Variants in VPS53 observed in about 807,000 individuals in gnomAD.
The protein encoded by VPS53 is VPS53 subunit of GARP complex, also known as vacuolar protein sorting-associated protein 53 homolog.
Under a neutral mutation model 107.0 loss-of-function variants are expected in VPS53, and 70 were observed. That is an observed-to-expected ratio of 0.65 (90% CI 0.54 to 0.80). VPS53 has a LOEUF of 0.80. Ranked by LOEUF, VPS53 falls within the 30% of genes least tolerant of loss-of-function variation. The pLI is 0.00. For synonymous variants in VPS53, 409 were observed against 393.3 expected (o/e 1.04, Z -0.47); for missense variants, 917 against 1,049.4 (o/e 0.87, Z 1.74).
rs749110675 is a variant in VPS53 at position 710,551 on chromosome 17, G to C, written c.150C>G (p.Thr50=). Residue 50 remains threonine (T), a synonymous_variant, in exon 2 of 22, where the codon ACC becomes ACG. Transcript: ENST00000437048. ...ADFNAVEYIN[T]LFPTEQSLAN... is the part of the protein sequence containing the mutation. ...TACTTACTTGCTCGGTTGGGAACAGGGTATTGATATACTCAACAGCATTGA... is the reference window on the plus strand; with the variant it reads ...TACTTACTTGCTCGGTTGGGAACAGCGTATTGATATACTCAACAGCATTGA... 1.1e-5 allele frequency: 18 copies of C among 1,613,654 alleles called. No individual in the cohort carries two copies. In the Admixed American group the frequency reaches 1.7e-4, roughly 15 times the overall value.
At chr17:673,061 G>A (rs187187188) in intron 4 of VPS53, among the ~76,000 whole-genome samples, 2,375 of 149,706 alleles carry the variant, frequency 0.016, 25 homozygotes, top group Middle Eastern at 0.031. Flanking sequence ...GCAGTGAGCC[G>A]AGATTGTGCC....
rs1555575961 is a variant in VPS53 at position 662,877 on chromosome 17, G to GGAAGGAAC, written c.286-983_286-982insGTTCCTTC. On this transcript the variant is annotated intron_variant, in intron 4 of 21. Transcript: ENST00000437048. ...AGGAAGGAAGGAAGGAAGGAACGAA[G>GGAAGGAAC]GAAGGAAGGAAGGAAGGCAGGCAGG... 1.8e-3 allele frequency among the ~76,000 whole-genome samples: 254 copies of GGAAGGAAC among 141,220 alleles called. 2 individuals carry two copies. Among genetic ancestry groups the GGAAGGAAC allele is most frequent in the East Asian group, 4.8e-3 (23 of 4,770 alleles). 92.6% of individuals were successfully genotyped at this position (141,220 alleles called of 152,430 possible).
chr17:551,752 A>C, intron 17 of VPS53, 120 bp downstream of exon 17: 1 of 843,804 alleles, frequency 1.2e-6, no homozygotes, highest in Non-Finnish European at 1.7e-6. Context: ...GGGCCTCTCC[A>C]TTCTCCTCAG....
intron 1 of VPS53, among the ~76,000 whole-genome samples, chr17:713,201 CAA>C (rs531213540): frequency 2.8e-5 from 4 of 143,856 alleles, no homozygotes; most frequent in Non-Finnish European, 6.1e-5. Flanking sequence ...GACCCTATCT[CAA>C]AAAAAAAAAG....
At chr17:689,213 TAA>T (rs773517365) in intron 4 of VPS53, among the ~76,000 whole-genome samples, 2 of 152,192 alleles carry the variant, frequency 1.3e-5, no homozygotes, top group Non-Finnish European at 2.9e-5. Flanking sequence ...GATAAGAATA[TAA>T]AGTCTCCTTC....
At chr17:559,118 A>G (rs936389724) in intron 15 of VPS53, among the ~76,000 whole-genome samples, 9 of 152,198 alleles carry the variant, frequency 5.9e-5, no homozygotes, top group African/African-American at 2.2e-4. Flanking sequence ...TATCATTATA[A>G]TGACAGGAGA....
intron 18 of VPS53, among the ~76,000 whole-genome samples, chr17:535,425 T>G (rs1167121426): frequency 1.5e-5 from 2 of 135,762 alleles, no homozygotes; most frequent in Non-Finnish European, 3.4e-5. Context: ...CTCCTTCGCT[T>G]TAATGTAAGC....
intron 12 of VPS53, among the ~76,000 whole-genome samples, chr17:598,762 C>G (rs1316230362): frequency 7.9e-6 from 1 of 126,714 alleles, no homozygotes; most frequent in Non-Finnish European, 1.7e-5. Context: ...CCCCTCCGCC[C>G]GGCAGCCGCC....
chr17:532,755 C>A, intron 19 of VPS53, 87 bp downstream of exon 19: 1 of 1,554,486 alleles, frequency 6.4e-7, no homozygotes. Context: ...AATTTTATTC[C>A]TGCCAAGTAG....
Position 532,905 on chromosome 17 carries a change from G to A in VPS53, c.2022C>T (p.Phe674=), listed in dbSNP as rs141888919. 129 of 1,613,764 alleles carry A rather than the reference G, an allele frequency of 8.0e-5. No individual in the cohort carries two copies. Among genetic ancestry groups the A allele is most frequent in the Non-Finnish European group, 9.5e-5 (112 of 1,179,838 alleles). ...AGAGGTGGGTGATGAATTTGGGAAT[G>A]AAGGAGCTGTGGATAAAAAAGAAGT... The part of the protein sequence containing the change: ...TQFCVKFANS[F]IPKFITHLFK... Residue 674 remains phenylalanine, a synonymous_variant, in exon 19 of 22, where the codon TTC becomes TTT. Coordinates refer to ENST00000437048, the MANE Select transcript of VPS53 (RefSeq NM_001128159.3).
At chr17:648,451 T>C (rs375579372) in intron 7 of VPS53, among the ~76,000 whole-genome samples, 2 of 152,284 alleles carry the variant, frequency 1.3e-5, no homozygotes, top group South Asian at 4.1e-4. Context: ...CTTGGGAGGC[T>C]GAGGCAGGAG....
At chr17:529,422 AC>A (rs56091983) in intron 19 of VPS53, among the ~76,000 whole-genome samples, 1 of 148,114 alleles carries the variant, frequency 6.8e-6, no homozygotes, top group African/African-American at 2.6e-5. Context: ...ACACACACAC[AC>A]CCCTGCTGGG....
chr17:699,559 T>G (rs1376634518), intron 2 of VPS53, among the ~76,000 whole-genome samples, 179 bp from the exon 3 acceptor site: 1 of 151,578 alleles, frequency 6.6e-6, no homozygotes, highest in Non-Finnish European at 1.5e-5. Flanking sequence ...CAGCCACATC[T>G]AGCCCAGCCC....
rs542269735 is a variant in VPS53 at position 656,413 on chromosome 17, T to G, written c.373-460A>C. ...GCCTGAGCTTCCAGCAAAGAAGACT[T>G]TCAAATCTCAAGAAGATTGAAATAT... On this transcript the variant is annotated intron_variant, in intron 5 of 21. Transcript: ENST00000437048. Among the ~76,000 whole-genome samples the G allele has an allele frequency of 2.1e-4, 32 of 152,292 alleles. No individual in the cohort carries two copies. In the South Asian group the frequency reaches 3.1e-3, roughly 15 times the overall value.
At chr17:678,860 C>T (rs929759202) in intron 4 of VPS53, among the ~76,000 whole-genome samples, 31 of 152,034 alleles carry the variant, frequency 2.0e-4, no homozygotes, top group African/African-American at 7.0e-4. Flanking sequence ...AGGATGGTCT[C>T]GATCTCCTGA....
intron 14 of VPS53, among the ~76,000 whole-genome samples, chr17:561,523 A>G (rs1460080246): frequency 6.6e-6 from 1 of 152,258 alleles, no homozygotes; most frequent in Non-Finnish European, 1.5e-5. Flanking sequence ...TGACACAAAC[A>G]AACAAAAGCA....
At position 510,334 on chromosome 17, in the gene VPS53, G is replaced by C. The variant is rs77766393; in HGVS notation, c.*8794C>G. The C allele has an allele frequency of 1.3e-3, 197 of 148,436 alleles. No homozygotes were observed. Among genetic ancestry groups the C allele is most frequent in the South Asian group, 2.8e-3 (26 of 9,292 alleles). 9.2% of individuals were successfully genotyped at this position (148,436 alleles called of 1,614,324 possible). A position where few individuals can be genotyped will look rare whatever the true frequency, so the allele number is the denominator to read the frequency against. ...ACTAGTCACATATCAAATCTTGGCT[G>C]ACCCCTTACTAGTCACATATCGAAT... is the stretch of plus-strand genomic sequence containing the variant. On this transcript the variant is annotated 3_prime_UTR_variant, in exon 22 of 22. Coordinates refer to ENST00000437048, the MANE Select transcript of VPS53 (RefSeq NM_001128159.3).
chr17:696,861 C>T (rs1450365428), intron 4 of VPS53, among the ~76,000 whole-genome samples: 11 of 143,674 alleles, frequency 7.7e-5, no homozygotes, highest in Admixed American at 6.6e-4. Flanking sequence ...GGTGCAATCT[C>T]GCCTCACTGC....
Position 586,275 on chromosome 17 carries a change from T to C in VPS53, c.1308A>G (p.Gln436=), listed in dbSNP as rs1032697332. The C allele has an allele frequency of 6.2e-7, 1 of 1,613,942 alleles. No individual in the cohort carries two copies. Among genetic ancestry groups the C allele is most frequent in the Non-Finnish European group, 8.5e-7 (1 of 1,179,826 alleles). ...AGCGAATGTTCCTCACTCACTTGTCTTGGGATTCGATATACACGTAGAGAT... is the reference window on the plus strand; with the variant it reads ...AGCGAATGTTCCTCACTCACTTGTCCTGGGATTCGATATACACGTAGAGAT... ...EPHLYVYIES[Q]DKNLGELIDR... The change falls in exon 13 of 22, where the codon CAA becomes CAG. Residue 436 remains glutamine (Q), a synonymous_variant. Coordinates refer to ENST00000437048, the MANE Select transcript of VPS53 (RefSeq NM_001128159.3).
Sources: gnomAD v4.1 joint callset for allele counts (sites outside exome capture counted in the v4.1 genomes callset) on GRCh38, gnomAD v4.1.1 for gene constraint, MANE v1.5 for transcripts, NCBI Gene and HGNC (gene_info 2026-07-23, HGNC 2026-07-21) for gene names.